The following PPP6R3 variants were observed in gnomAD, a reference collection of about 807,000 sequenced individuals.
The protein encoded by PPP6R3 is protein phosphatase 6 regulatory subunit 3.
Under a neutral mutation model 110.7 loss-of-function variants are expected in PPP6R3, and 38 were observed. The observed-to-expected ratio is 0.34, with a 90% confidence interval of 0.26 to 0.45. The LOEUF is 0.45. PPP6R3 is among the 20% of genes least tolerant of loss of function. The pLI is 1.00. For missense variants in PPP6R3, 870 were observed against 1,062.4 expected (o/e 0.82, Z 2.52); for synonymous variants, 369 against 373.5 (o/e 0.99, Z 0.14).
chr11:68,487,857 A>G (rs2098958237), intron 1 of PPP6R3, among the ~76,000 whole-genome samples: 2 of 152,178 alleles, frequency 1.3e-5, no homozygotes, highest in Admixed American at 1.3e-4. Flanking sequence ...GAAATAATGT[A>G]TAGATGTCAA....
rs546762412 is a variant in PPP6R3 at position 68,575,949 on chromosome 11, A to T, written c.1460-9A>T. On this transcript the variant is annotated splice_polypyrimidine_tract_variant and intron_variant, in intron 13 of 23. Transcript: ENST00000393800. ...GTGATAATGCTTTTTTGCTTTTCTCACTCTGAAGATCTTCCCGACGAAGTC... is the reference window on the plus strand; with the variant it reads ...GTGATAATGCTTTTTTGCTTTTCTCTCTCTGAAGATCTTCCCGACGAAGTC... The T allele has an allele frequency of 2.5e-6, 4 of 1,597,370 alleles. No homozygotes were observed. Among genetic ancestry groups the T allele is most frequent in the Admixed American group, 1.7e-5 (1 of 58,288 alleles).
chr11:68,537,671 T>C lies in PPP6R3; in HGVS notation c.7T>C (p.Trp3Arg). Reference sequence around the variant, plus strand: ...GCATTTTGTTTAGACCAGCATGTTTTGGAAATTTGATCTTCACTCATCATC... The same window carrying C: ...GCATTTTGTTTAGACCAGCATGTTTCGGAAATTTGATCTTCACTCATCATC... Reference protein sequence around the residue: MFWKFDLHSSSHI... With the variant: MFRKFDLHSSSHI... Residue 3 changes from tryptophan (W) to arginine (R), a missense_variant, in exon 3 of 24, where the codon TGG (tryptophan) becomes CGG (arginine). Transcript: ENST00000393800. 1 of 1,582,482 alleles carries C rather than the reference T, an allele frequency of 6.3e-7. No homozygotes were observed. The highest frequency in any genetic ancestry group is 8.6e-7 in the Non-Finnish European group (1 of 1,161,352).
chr11:68,596,296 A>G, intron 19 of PPP6R3, 78 bp downstream of exon 19: 1 of 1,572,738 alleles, frequency 6.4e-7, no homozygotes, highest in Non-Finnish European at 8.7e-7. Context: ...GGAGCAGTTC[A>G]CAGCATCTGA....
At chr11:68,609,845 T>C in intron 22 of PPP6R3, 59 bp from the exon 23 acceptor site, 3 of 1,607,988 alleles carry the variant, frequency 1.9e-6, no homozygotes, top group Non-Finnish European at 2.6e-6. Flanking sequence ...CCTCATCCTC[T>C]GGTGCCTAGG....
At chr11:68,553,332 T>A (rs2099388108) in intron 6 of PPP6R3, among the ~76,000 whole-genome samples, 1 of 151,928 alleles carries the variant, frequency 6.6e-6, no homozygotes, top group Non-Finnish European at 1.5e-5. Flanking sequence ...TCGCTTTTGT[T>A]GCCCAGGCTG....
At chr11:68,483,544 G>A (rs1362456322) in intron 1 of PPP6R3, among the ~76,000 whole-genome samples, 2 of 152,142 alleles carry the variant, frequency 1.3e-5, no homozygotes, top group Non-Finnish European at 2.9e-5. Flanking sequence ...GTGCAGTGGT[G>A]TGATCTCGGC....
At chr11:68,534,805 T>C (rs990712457) in intron 2 of PPP6R3, among the ~76,000 whole-genome samples, 1 of 152,168 alleles carries the variant, frequency 6.6e-6, no homozygotes, top group Admixed American at 6.5e-5. Context: ...TAGAGGTGCA[T>C]GAGCTGTATT....
In PPP6R3 at chr11:68,572,362, G is replaced by A. The variant is rs562280246; in HGVS notation, c.1343+1258G>A. Among the ~76,000 whole-genome samples, 88 of 152,266 alleles carry A rather than the reference G, an allele frequency of 5.8e-4. 1 individual carries two copies. The highest frequency in any genetic ancestry group is 1.2e-3 in the Admixed American group (18 of 15,300). On this transcript the variant is annotated intron_variant, in intron 12 of 23. Transcript: ENST00000393800. ...CATTCCCTCTGTCTAGGGGGATCCC[G>A]AAAGAACTTTCCTTGTTTCCTTGCA...
rs776975221 is a variant in PPP6R3 at position 68,609,718 on chromosome 11, C to T, written c.2451-186C>T. On this transcript the variant is annotated intron_variant, in intron 22 of 23. Transcript: ENST00000393800. ...GGTTCCCACCTGTGTGCGACCCTTT[C>T]CTTTTGTGATTCCCCAGTCACTGTC... 268 of 1,566,740 alleles carry T rather than the reference C, an allele frequency of 1.7e-4. 1 individual carries two copies. The highest frequency in any genetic ancestry group is 2.3e-4 in the Non-Finnish European group (259 of 1,138,380).
Position 68,614,844 on chromosome 11 carries a change from T to G in PPP6R3, c.*1727T>G, listed in dbSNP as rs1355550569. ...CTGCTTGCCTCAGGGCTGCCTGACTTGAATGGCGTTGGACCTCGGGGATTA... is the reference window on the plus strand; with the variant it reads ...CTGCTTGCCTCAGGGCTGCCTGACTGGAATGGCGTTGGACCTCGGGGATTA... On this transcript the variant is annotated 3_prime_UTR_variant, in exon 24 of 24. Coordinates refer to ENST00000393800, the MANE Select transcript of PPP6R3 (RefSeq NM_001164161.2). 1.7e-6 allele frequency: 2 copies of G among 1,163,324 alleles called. No individual in the cohort carries two copies. The highest frequency in any genetic ancestry group is 2.5e-6 in the Non-Finnish European group (2 of 802,456). 72.1% of individuals were successfully genotyped at this position (1,163,324 alleles called of 1,614,324 possible).
chr11:68,578,772 C>A (rs150223901), intron 14 of PPP6R3, among the ~76,000 whole-genome samples: 1,627 of 152,308 alleles, frequency 0.011, 9 homozygotes, highest in Admixed American at 0.017. Flanking sequence ...GTGCTTTAAT[C>A]TTTTGGCTCC....
Position 68,613,404 on chromosome 11 carries a change from G to A in PPP6R3, c.*287G>A, listed in dbSNP as rs1222369500. The A allele has an allele frequency of 6.2e-6, 7 of 1,122,064 alleles. 1 individual carries two copies. Among genetic ancestry groups the A allele is most frequent in the Non-Finnish European group, 7.6e-6 (7 of 917,806 alleles). The allele number at this position is 1,122,064 out of a possible 1,614,324, so 69.5% of individuals were successfully genotyped here. A position where few individuals can be genotyped will look rare whatever the true frequency, so the allele number is the denominator to read the frequency against. ...AGATCTTGCCACCCATGTAATAATA[G>A]TAGTAATACTATAGTTAAAATGGCT... On this transcript the variant is annotated 3_prime_UTR_variant, in exon 24 of 24. Transcript: ENST00000393800.
intron 1 of PPP6R3, among the ~76,000 whole-genome samples, chr11:68,503,746 C>T (rs963379913): frequency 3.5e-5 from 5 of 141,568 alleles, no homozygotes. Context: ...GGAATGCTAT[C>T]AGACAAATAA....
intron 1 of PPP6R3, among the ~76,000 whole-genome samples, chr11:68,500,411 G>A (rs1306231457): frequency 6.6e-6 from 1 of 152,012 alleles, no homozygotes; most frequent in Non-Finnish European, 1.5e-5. Context: ...TCTGTTTTAT[G>A]TGCACTGGTA....
intron 1 of PPP6R3, among the ~76,000 whole-genome samples, chr11:68,482,409 C>CA (rs145649371): frequency 0.051 from 3,441 of 67,398 alleles, 92 homozygotes; most frequent in African/African-American, 0.12. Context: ...GTGAGACTGC[C>CA]AAAAAAAAAA....
chr11:68,524,447 G>A (rs2099185266), intron 2 of PPP6R3, among the ~76,000 whole-genome samples: 1 of 151,990 alleles, frequency 6.6e-6, no homozygotes, highest in Non-Finnish European at 1.5e-5. Flanking sequence ...ATGTGCTCAG[G>A]GCAGTCCACA....
chr11:68,575,800 G>A (rs1330576868), intron 13 of PPP6R3, among the ~76,000 whole-genome samples, 158 bp from the exon 14 acceptor site: 1 of 152,186 alleles, frequency 6.6e-6, no homozygotes. Context: ...TTCTCTAAGA[G>A]CACTGGGCTG....
chr11:68,498,593 A>G (rs2099031671), intron 1 of PPP6R3, among the ~76,000 whole-genome samples: 1 of 152,236 alleles, frequency 6.6e-6, no homozygotes, highest in African/African-American at 2.4e-5. Context: ...TCTATTAAAT[A>G]GAGTCTTACA....
At chr11:68,500,047 A>G (rs1264160725) in intron 1 of PPP6R3, among the ~76,000 whole-genome samples, 3 of 152,280 alleles carry the variant, frequency 2.0e-5, no homozygotes, top group Middle Eastern at 3.4e-3. Flanking sequence ...TGTCCATTAT[A>G]TTTTGAAGAT....
Sources: gnomAD v4.1 joint callset for allele counts (sites outside exome capture counted in the v4.1 genomes callset) on GRCh38, gnomAD v4.1.1 for gene constraint, MANE v1.5 for transcripts, NCBI Gene and HGNC (gene_info 2026-07-23, HGNC 2026-07-21) for gene names.